The following CLDN15 variants were observed in gnomAD, a reference collection of about 807,000 sequenced individuals.
CLDN15 encodes the protein claudin 15, also known as claudin-15.
Under a neutral mutation model 24.5 loss-of-function variants are expected in CLDN15, and 9 were observed. The ratio of observed to expected loss-of-function variants is 0.37; its 90% CI spans 0.22 to 0.64. The LOEUF (loss-of-function observed/expected upper bound fraction) is 0.64. CLDN15 is among the 30% of genes least tolerant of loss of function. The pLI, the probability that CLDN15 is intolerant of heterozygous loss-of-function variation, is 0.63. For missense variants in CLDN15, 248 were observed against 305.9 expected, an observed-to-expected ratio of 0.81 and a Z score of 1.41; for synonymous variants, 149 against 131.4, an observed-to-expected ratio of 1.13 and a Z score of -0.92.
At chr7:101,233,103 C>T (rs1404033117) in intron 2 of CLDN15, among the ~76,000 whole-genome samples, 189 bp from the exon 3 acceptor site, 1 of 152,084 alleles carries the variant, frequency 6.6e-6, no homozygotes, top group African/African-American at 2.4e-5. Context: ...GTCAACTTCT[C>T]AGGGTAGCCC....
chr7:101,236,138 C>T (rs1798616710), intron 1 of CLDN15, among the ~76,000 whole-genome samples: 1 of 152,184 alleles, frequency 6.6e-6, no homozygotes, highest in African/African-American at 2.4e-5. Flanking sequence ...CAGCAGAGCC[C>T]CCTCCTCACA....
chr7:101,236,858 C>T (rs200364057), intron 1 of CLDN15: 149 of 1,260,892 alleles, frequency 1.2e-4, no homozygotes, highest in Middle Eastern at 2.1e-4. Flanking sequence ...CAGTGCCCCC[C>T]GACAGTGAGG....
chr7:101,234,878 C>A (rs568881173), intron 1 of CLDN15, among the ~76,000 whole-genome samples: 1 of 152,060 alleles, frequency 6.6e-6, no homozygotes, highest in Non-Finnish European at 1.5e-5. Context: ...GCACCTGGCA[C>A]GCTTTGCTTG....
upstream of CLDN15, chr7:101,237,921 G>A (rs908618737): frequency 1.7e-5 from 6 of 347,378 alleles, no homozygotes; most frequent in Admixed American, 3.9e-5. This position sits in a 1 kb window ranked among gnomAD's most constrained non-coding sequence, Gnocchi z 4.0. Flanking sequence ...CCACGAGGGT[G>A]GGGGGGGCAG....
In CLDN15 at chr7:101,237,686, CTG is replaced by C; in HGVS notation, c.-107_-106del. 1.3e-6 allele frequency: 1 copy of C among 794,458 alleles called. No homozygotes were observed. Among genetic ancestry groups the C allele is most frequent in the Non-Finnish European group, 2.1e-6 (1 of 468,796 alleles). 49.2% of individuals were successfully genotyped at this position (794,458 alleles called of 1,614,324 possible). Reference sequence around the variant, plus strand: ...GGCTAAGGAGGGTTGTCCAGGCAGGCTGGGGTGGAATCAGCCTCAGCCTCTGC... The same window carrying C: ...GGCTAAGGAGGGTTGTCCAGGCAGGCGGGTGGAATCAGCCTCAGCCTCTGC... On this transcript the variant is annotated 5_prime_UTR_variant, in exon 1 of 5. Transcript: ENST00000308344. This position sits in a 1 kb window ranked among gnomAD's most constrained non-coding sequence, Gnocchi z 4.0.
At position 101,232,313 on chromosome 7, in the gene CLDN15, T is replaced by A. The variant is rs1249987966; in HGVS notation, c.*97A>T. 1.2e-6 allele frequency: 1 copy of A among 832,422 alleles called. No individual in the cohort carries two copies. The highest frequency in any genetic ancestry group is 2.7e-5 in the East Asian group (1 of 37,338). 51.6% of individuals were successfully genotyped at this position (832,422 alleles called of 1,614,324 possible). ...GGGGCGGGGCTACGGGAGCGGGGCG[T>A]GGCCGGCCCCTGAGGTTACTATAGG... On this transcript the variant is annotated 3_prime_UTR_variant, in exon 5 of 5. Transcript: ENST00000308344.
chr7:101,235,150 G>A (rs1020735916), intron 1 of CLDN15, among the ~76,000 whole-genome samples: 6 of 152,152 alleles, frequency 3.9e-5, no homozygotes, highest in Non-Finnish European at 7.3e-5. Flanking sequence ...CCTTCCCCAC[G>A]TCTGATTCCA....
chr7:101,232,242 C>T lies in CLDN15; in HGVS notation c.*168G>A. ...GATATGCGACTTCCCAAGAGCAGTT[C>T]TTGGCCTGGAGGGGCCATGAGAGTG... On this transcript the variant is annotated 3_prime_UTR_variant, in exon 5 of 5. Coordinates refer to ENST00000308344, the MANE Select transcript of CLDN15 (RefSeq NM_014343.3). The T allele has an allele frequency of 1.7e-6, 1 of 582,542 alleles. No homozygotes were observed. Among genetic ancestry groups the T allele is most frequent in the Non-Finnish European group, 3.1e-6 (1 of 327,734 alleles). 36.1% of individuals were successfully genotyped at this position (582,542 alleles called of 1,614,324 possible). A position where few individuals can be genotyped will look rare whatever the true frequency, so the allele number is the denominator to read the frequency against.
chr7:101,236,857 C>G, intron 1 of CLDN15: 2 of 1,268,460 alleles, frequency 1.6e-6, no homozygotes, highest in Non-Finnish European at 2.1e-6. Context: ...CCAGTGCCCC[C>G]CGACAGTGAG....
rs1047545030 is a variant in CLDN15, at chr7:101,232,201, C to G, written c.*209G>C. 3 of 549,632 alleles carry G rather than the reference C, an allele frequency of 5.5e-6. No homozygotes were observed. Among genetic ancestry groups the G allele is most frequent in the Admixed American group, 6.8e-5 (2 of 29,586 alleles). The allele number at this position is 549,632 out of a possible 1,614,324, so 34.0% of individuals were successfully genotyped here. A position where few individuals can be genotyped will look rare whatever the true frequency, so the allele number is the denominator to read the frequency against. ...AACCCAGGGTCAGAAGATGAGGGAT[C>G]CAGCCTCAGAGGGGAGATATGCGAC... On this transcript the variant is annotated 3_prime_UTR_variant, in exon 5 of 5. Coordinates refer to ENST00000308344, the MANE Select transcript of CLDN15 (RefSeq NM_014343.3).
chr7:101,233,756 C>G (rs574464201), intron 2 of CLDN15: 2 of 195,398 alleles, frequency 1.0e-5, no homozygotes, highest in Admixed American at 1.1e-4. Flanking sequence ...TGCCACCACG[C>G]CTGGCTAATT....
At chr7:101,235,131 T>C (rs1798598101) in intron 1 of CLDN15, among the ~76,000 whole-genome samples, 1 of 152,196 alleles carries the variant, frequency 6.6e-6, no homozygotes, top group African/African-American at 2.4e-5. Context: ...CAGCTAAGCA[T>C]CGCTGTCGCC....
At chr7:101,237,804 A>G (rs1798661292), upstream of CLDN15, 2 of 582,698 alleles carry the variant, frequency 3.4e-6, no homozygotes, top group Non-Finnish European at 6.1e-6. The surrounding 1 kb of genome is among the most constrained non-coding windows in gnomAD (Gnocchi z 4.0). Context: ...CAGAGGAATG[A>G]GCTAAGCCTG....
At chr7:101,233,939 C>T (rs1044730478) in intron 2 of CLDN15, 4 of 460,110 alleles carry the variant, frequency 8.7e-6, no homozygotes, top group African/African-American at 3.9e-5. Flanking sequence ...GCACTGTGGA[C>T]GTGCACTGTG....
At chr7:101,235,976 T>C (rs1002703847) in intron 1 of CLDN15, among the ~76,000 whole-genome samples, 1 of 152,102 alleles carries the variant, frequency 6.6e-6, no homozygotes, top group East Asian at 1.9e-4. Flanking sequence ...TCTGTAAAAG[T>C]TTCCCCCTAC....
chr7:101,237,380 T>A lies in CLDN15; in HGVS notation c.202A>T (p.Met68Leu), dbSNP rs1196104449. Reference sequence around the variant, plus strand: ...CACCCCATACCAGAGAGGGCCAGCATGGACGGGAACTCCCAGCAGTTGTAG... The same window carrying A: ...CACCCCATACCAGAGAGGGCCAGCAAGGACGGGAACTCCCAGCAGTTGTAG... Reference protein sequence around the residue: ...GVYNCWEFPSMLALSGYIQAC... With the variant: ...GVYNCWEFPSLLALSGYIQAC... The change falls in exon 1 of 5, where the codon ATG becomes TTG. Residue 68 changes from methionine to leucine, a missense_variant. Physicochemically the swap from Met to Leu is conservative, Grantham distance 15. Transcript: ENST00000308344. The surrounding 1 kb of genome is among the most constrained non-coding windows in gnomAD (Gnocchi z 4.0). 4 of 1,610,454 alleles carry A rather than the reference T, an allele frequency of 2.5e-6. No individual in the cohort carries two copies. The highest frequency in any genetic ancestry group is 1.1e-5 in the South Asian group (1 of 90,662).
At chr7:101,236,770 A>G (rs1234861372) in intron 1 of CLDN15, 1 of 1,291,328 alleles carries the variant, frequency 7.7e-7, no homozygotes, top group African/African-American at 1.5e-5. Context: ...GCCTCCTTAC[A>G]GCGGACGCTC....
chr7:101,232,212 G>A lies in CLDN15; in HGVS notation c.*198C>T, dbSNP rs1189278132. ...AGAAGATGAGGGATCCAGCCTCAGAGGGGAGATATGCGACTTCCCAAGAGC... is the reference window on the plus strand; with the variant it reads ...AGAAGATGAGGGATCCAGCCTCAGAAGGGAGATATGCGACTTCCCAAGAGC... On this transcript the variant is annotated 3_prime_UTR_variant, in exon 5 of 5. Coordinates refer to ENST00000308344, the MANE Select transcript of CLDN15 (RefSeq NM_014343.3). The A allele has an allele frequency of 1.8e-5, 10 of 560,278 alleles. No individual in the cohort carries two copies. The highest frequency in any genetic ancestry group is 2.8e-5 in the Non-Finnish European group (9 of 316,390). 34.7% of individuals were successfully genotyped at this position (560,278 alleles called of 1,614,324 possible). A position where few individuals can be genotyped will look rare whatever the true frequency, so the allele number is the denominator to read the frequency against.
At chr7:101,236,888 TG>T (rs1301864679) in intron 1 of CLDN15, 3 of 1,142,644 alleles carry the variant, frequency 2.6e-6, no homozygotes, top group Admixed American at 2.3e-5. Flanking sequence ...CTGTGGAGCC[TG>T]GAAGTTGATC....
Sources: gnomAD v4.1 joint callset for allele counts (sites outside exome capture counted in the v4.1 genomes callset) on GRCh38, gnomAD v4.1.1 for gene constraint, Gnocchi (gnomAD v3.1) non-coding constraint, MANE v1.5 for transcripts, NCBI Gene and HGNC (gene_info 2026-07-23, HGNC 2026-07-21) for gene names.